Variants in LOXHD1 observed in about 807,000 individuals in gnomAD.
LOXHD1 encodes lipoxygenase homology PLAT domains 1.
LOXHD1 carries 205 observed loss-of-function variants against 248.2 expected under a neutral mutation model. The observed-to-expected ratio is 0.83, with a 90% CI of 0.74 to 0.93. The LOEUF (loss-of-function observed/expected upper bound fraction) is 0.93. Ranked by LOEUF, LOXHD1 falls within the 40% of genes least tolerant of loss-of-function variation. The pLI is 0.00. For synonymous variants in LOXHD1, 1,113 were observed against 1,162.8 expected, an observed-to-expected ratio of 0.96 and a Z score of 0.87; for missense variants, 2,930 against 2,971.6, an observed-to-expected ratio of 0.99 and a Z score of 0.33.
At chr18:46,610,340 A>T (rs930125750) in intron 6 of LOXHD1, among the ~76,000 whole-genome samples, 1 of 151,840 alleles carries the variant, frequency 6.6e-6, no homozygotes, top group Non-Finnish European at 1.5e-5. Flanking sequence ...CATAGGTGGG[A>T]ATTGAACAAT....
In LOXHD1 at chr18:46,559,328, G is replaced by A. The variant is rs147906772; in HGVS notation, c.3216+120C>T. 9.0e-5 allele frequency: 140 copies of A among 1,547,560 alleles called. No individual in the cohort carries two copies. In the East Asian group the frequency reaches 3.3e-3, roughly 37 times the overall value. On this transcript the variant is annotated intron_variant, in intron 20 of 40. Transcript: ENST00000642948. ...AAGAGGTACTGCCATGAAACCTGGTGGGATGAACAAGTCACACTGCCAAAC... is the reference window on the plus strand; with the variant it reads ...AAGAGGTACTGCCATGAAACCTGGTAGGATGAACAAGTCACACTGCCAAAC...
chr18:46,566,585 A>T, intron 16 of LOXHD1, 136 bp from the exon 17 acceptor site: 1 of 791,098 alleles, frequency 1.3e-6, no homozygotes, highest in Non-Finnish European at 2.0e-6. Context: ...ATCCATGGGA[A>T]AGCTGGAATC....
At chr18:46,509,151 T>A (rs2034784790) in intron 35 of LOXHD1, among the ~76,000 whole-genome samples, 1 of 152,144 alleles carries the variant, frequency 6.6e-6, no homozygotes, top group Admixed American at 6.5e-5. Flanking sequence ...TGTTGCTCCT[T>A]GAAGATCCCA....
intron 37 of LOXHD1, among the ~76,000 whole-genome samples, chr18:46,499,472 A>G (rs972339962): frequency 6.6e-6 from 1 of 152,200 alleles, no homozygotes; most frequent in Admixed American, 6.6e-5. Context: ...AAGAGAGAGA[A>G]TAACAAAGCA....
At position 46,483,763 on chromosome 18, in the gene LOXHD1, G is replaced by A; in HGVS notation, c.6183-18C>T. The stretch of plus-strand genomic sequence containing the variant: ...TGGTCCCCCTGCAGGAAACAAAAGT[G>A]TGGTCCATGAGCTGCCTTTGCCCAC... On this transcript the variant is annotated intron_variant, in intron 39 of 40. Coordinates refer to ENST00000642948, the MANE Select transcript of LOXHD1 (RefSeq NM_001384474.1). 6.5e-7 allele frequency: 1 copy of A among 1,548,938 alleles called. No individual in the cohort carries two copies. Among genetic ancestry groups the A allele is most frequent in the Non-Finnish European group, 8.7e-7 (1 of 1,145,470 alleles).
At chr18:46,613,820 T>G (rs112611511) in intron 5 of LOXHD1, among the ~76,000 whole-genome samples, 2 of 152,326 alleles carry the variant, frequency 1.3e-5, no homozygotes, top group African/African-American at 4.8e-5. Flanking sequence ...GTTACTATAA[T>G]AAATTATACA....
At chr18:46,517,252 C>T (rs2035303339) in intron 34 of LOXHD1, among the ~76,000 whole-genome samples, 1 of 152,018 alleles carries the variant, frequency 6.6e-6, no homozygotes, top group Non-Finnish European at 1.5e-5. Flanking sequence ...ATTGGGAATC[C>T]AAGGGAGGAC....
At chr18:46,568,491 C>T (rs994414413) in intron 16 of LOXHD1, among the ~76,000 whole-genome samples, 1 of 152,166 alleles carries the variant, frequency 6.6e-6, no homozygotes, top group Non-Finnish European at 1.5e-5. Flanking sequence ...TGACCCTAAT[C>T]CCCCTTACTG....
intron 5 of LOXHD1, among the ~76,000 whole-genome samples, chr18:46,616,587 C>T (rs184872862): frequency 6.6e-6 from 1 of 152,236 alleles, no homozygotes; most frequent in African/African-American, 2.4e-5. Context: ...GTATCTCATT[C>T]CTTTCTTCTG....
chr18:46,534,519 C>T (rs901633492), intron 26 of LOXHD1, 68 bp from the exon 27 acceptor site: 1 of 1,188,346 alleles, frequency 8.4e-7, no homozygotes, highest in Non-Finnish European at 1.2e-6. Flanking sequence ...TTGGCAACAT[C>T]CTGCTTCCCC....
At chr18:46,518,067 G>T in intron 34 of LOXHD1, 62 bp downstream of exon 34, 1 of 1,545,946 alleles carries the variant, frequency 6.5e-7, no homozygotes, top group East Asian at 2.4e-5. Context: ...TGAAGGCAGG[G>T]TGGGGCAGAG....
At chr18:46,583,588 A>G (rs1217481175) in intron 12 of LOXHD1, among the ~76,000 whole-genome samples, 1 of 152,152 alleles carries the variant, frequency 6.6e-6, no homozygotes, top group Non-Finnish European at 1.5e-5. Context: ...ATGAAAAAAA[A>G]AGTTCAACAT....
intron 6 of LOXHD1, 97 bp downstream of exon 6, chr18:46,610,679 C>T: frequency 7.2e-7 from 1 of 1,384,800 alleles, no homozygotes; most frequent in East Asian, 2.5e-5. Context: ...GCAGATGGAC[C>T]TAGAGAGGAA....
chr18:46,561,408 G>T (rs1423000156), intron 18 of LOXHD1, among the ~76,000 whole-genome samples: 1 of 152,174 alleles, frequency 6.6e-6, no homozygotes, highest in African/African-American at 2.4e-5. Flanking sequence ...TGAGCCCCAG[G>T]CTCTGAGGAA....
chr18:46,553,687 A>G (rs1030186591), intron 21 of LOXHD1, among the ~76,000 whole-genome samples: 5 of 152,226 alleles, frequency 3.3e-5, no homozygotes, highest in African/African-American at 1.2e-4. Flanking sequence ...CTTACATTCT[A>G]TTGTGGGGAG....
chr18:46,530,759 C>T (rs1220012627), intron 28 of LOXHD1, among the ~76,000 whole-genome samples: 1 of 152,092 alleles, frequency 6.6e-6, no homozygotes, highest in African/African-American at 2.4e-5. Flanking sequence ...CTTATTTTCC[C>T]CTGGGTTCTG....
In LOXHD1 at chr18:46,601,685, G is replaced by A. The variant is rs675312; in HGVS notation, c.884-218C>T. 0.77 allele frequency: 460,810 copies of A among 598,710 alleles called. 178,128 individuals are homozygous for A. The highest frequency in any genetic ancestry group is 0.87 in the African/African-American group (46,921 of 53,922). 37.1% of individuals were successfully genotyped at this position (598,710 alleles called of 1,614,324 possible). A position where few individuals can be genotyped will look rare whatever the true frequency, so the allele number is the denominator to read the frequency against. On this transcript the variant is annotated intron_variant, in intron 7 of 40. Coordinates refer to ENST00000642948, the MANE Select transcript of LOXHD1 (RefSeq NM_001384474.1). ...GTGTGTCCAATGCATCTGAGTTTGA[G>A]AATAAACCGCACGTATTATTACAGG...
chr18:46,500,962 C>A (rs1205352381), intron 37 of LOXHD1, among the ~76,000 whole-genome samples: 2 of 152,124 alleles, frequency 1.3e-5, no homozygotes, highest in African/African-American at 4.8e-5. Context: ...ATCCTGTGGA[C>A]CTCCATTTTA....
At chr18:46,490,929 G>A (rs2033427996) in intron 37 of LOXHD1, among the ~76,000 whole-genome samples, 1 of 152,152 alleles carries the variant, frequency 6.6e-6, no homozygotes, top group South Asian at 2.1e-4. Flanking sequence ...CCTCAAGTGC[G>A]ACTGCTGGCT....
Sources: allele counts gnomAD v4.1 joint callset (sites outside exome capture counted in the v4.1 genomes callset), GRCh38; gene constraint gnomAD v4.1.1; transcripts MANE v1.5; gene names NCBI Gene and HGNC (gene_info 2026-07-23, HGNC 2026-07-21).